Variants in DCDC2 observed in about 807,000 individuals in gnomAD.
The protein encoded by DCDC2 is doublecortin domain-containing protein 2.
DCDC2 carries 40 observed loss-of-function variants against 50.2 expected under a neutral mutation model. The ratio of observed to expected loss-of-function variants is 0.80; its 90% confidence interval spans 0.62 to 1.04. DCDC2 has a LOEUF of 1.04. Among genes scored for constraint, DCDC2 ranks in the 50% least tolerant of loss-of-function variants. DCDC2 has a pLI of 0.00. For synonymous variants in DCDC2, 234 were observed against 210.6 expected (o/e 1.11, Z -0.96); for missense variants, 570 against 581.9 (o/e 0.98, Z 0.21).
intron 7 of DCDC2, among the ~76,000 whole-genome samples, chr6:24,259,579 A>AGAGT (rs1356974459): frequency 2.6e-5 from 4 of 152,228 alleles, no homozygotes; most frequent in African/African-American, 9.6e-5. Context: ...TTCCCTGTTC[A>AGAGT]TATTAAATTA....
chr6:24,184,292 G>T (rs1245562615), intron 8 of DCDC2, among the ~76,000 whole-genome samples: 1 of 152,130 alleles, frequency 6.6e-6, no homozygotes, highest in Admixed American at 6.5e-5. Context: ...CTGACCTGAG[G>T]CTGGGCATGG....
the DCDC2 span, among the ~76,000 whole-genome samples, chr6:24,383,187 G>A: frequency 1.3e-5 from 2 of 151,962 alleles, no homozygotes; most frequent in South Asian, 2.1e-4. Flanking sequence ...TTACCTGGGC[G>A]TGGTGGCGCA....
At chr6:24,268,028 G>A (rs1467072207) in intron 7 of DCDC2, among the ~76,000 whole-genome samples, 1 of 152,168 alleles carries the variant, frequency 6.6e-6, no homozygotes, top group Non-Finnish European at 1.5e-5. Context: ...CCCACCAGAT[G>A]CTCCTCAGTA....
intron 7 of DCDC2, among the ~76,000 whole-genome samples, chr6:24,206,429 T>C (rs1489848970): frequency 6.6e-6 from 1 of 152,146 alleles, no homozygotes; most frequent in Non-Finnish European, 1.5e-5. Flanking sequence ...AAAATAGGTA[T>C]GTTTGACATT....
intron 7 of DCDC2, among the ~76,000 whole-genome samples, chr6:24,239,387 G>C (rs553462136): frequency 6.6e-6 from 1 of 152,300 alleles, no homozygotes; most frequent in Admixed American, 6.5e-5. Context: ...GGACCACCTA[G>C]ATCAGAGCCT....
intron 2 of DCDC2, among the ~76,000 whole-genome samples, chr6:24,322,680 G>A (rs939629229): frequency 1.3e-5 from 2 of 152,064 alleles, no homozygotes; most frequent in African/African-American, 4.8e-5. Flanking sequence ...TTGATCCCAG[G>A]TCTTTGGACA....
intron 7 of DCDC2, among the ~76,000 whole-genome samples, chr6:24,271,584 C>T (rs1763240525): frequency 6.6e-6 from 1 of 152,170 alleles, no homozygotes; most frequent in African/African-American, 2.4e-5. Context: ...GGATCCCTGA[C>T]CTGGAGGCTC....
chr6:24,363,810 C>T, the DCDC2 span, among the ~76,000 whole-genome samples: 2 of 152,156 alleles, frequency 1.3e-5, no homozygotes, highest in Non-Finnish European at 2.9e-5. Context: ...GTTTGCTTCC[C>T]TATTATCCAT....
intron 2 of DCDC2, among the ~76,000 whole-genome samples, chr6:24,307,303 T>C (rs1438342261): frequency 6.6e-6 from 1 of 152,138 alleles, no homozygotes; most frequent in African/African-American, 2.4e-5. Context: ...TATCACAAAA[T>C]TGTAATGACC....
chr6:24,292,696 T>C (rs1225927645), intron 4 of DCDC2, among the ~76,000 whole-genome samples: 1 of 152,224 alleles, frequency 6.6e-6, no homozygotes, highest in Non-Finnish European at 1.5e-5. Flanking sequence ...AGTAAGACGC[T>C]ATCTCAAAAA....
At chr6:24,278,428 A>T (rs1763406898) in intron 6 of DCDC2, among the ~76,000 whole-genome samples, 2 of 152,162 alleles carry the variant, frequency 1.3e-5, no homozygotes, top group Non-Finnish European at 1.5e-5. Flanking sequence ...AATAGCTAAC[A>T]ATCATTGGGT....
At chr6:24,196,161 AC>A (rs1454640545) in intron 8 of DCDC2, among the ~76,000 whole-genome samples, 2 of 152,054 alleles carry the variant, frequency 1.3e-5, no homozygotes, top group African/African-American at 4.8e-5. Flanking sequence ...CAAGTAGTAT[AC>A]CATGACTATA....
chr6:24,268,523 C>T (rs1477866450), intron 7 of DCDC2, among the ~76,000 whole-genome samples: 3 of 152,126 alleles, frequency 2.0e-5, no homozygotes, highest in Non-Finnish European at 4.4e-5. Flanking sequence ...GTGCGTGAAA[C>T]TACTGCTCAA....
Position 24,290,918 on chromosome 6 carries a change from G to C in DCDC2, c.704+14C>G. The C allele has an allele frequency of 1.2e-6, 2 of 1,608,466 alleles. No individual in the cohort carries two copies. Among genetic ancestry groups the C allele is most frequent in the South Asian group, 2.2e-5 (2 of 90,036 alleles). ...GTAACTAAAGCATGAGGAGTGGTAAGGAGTAAGACTTACCCAAAAGGCCTT... is the reference window on the plus strand; with the variant it reads ...GTAACTAAAGCATGAGGAGTGGTAACGAGTAAGACTTACCCAAAAGGCCTT... On this transcript the variant is annotated intron_variant, in intron 5 of 9. Coordinates refer to ENST00000378454, the MANE Select transcript of DCDC2 (RefSeq NM_016356.5).
At chr6:24,313,849 G>A (rs761553189) in intron 2 of DCDC2, among the ~76,000 whole-genome samples, 5 of 152,308 alleles carry the variant, frequency 3.3e-5, no homozygotes, top group Non-Finnish European at 7.3e-5. Context: ...GATCTCTTCA[G>A]AGGATTCAGC....
intron 8 of DCDC2, among the ~76,000 whole-genome samples, chr6:24,194,007 AT>A (rs1439227040): frequency 6.6e-6 from 1 of 152,134 alleles, no homozygotes; most frequent in Non-Finnish European, 1.5e-5. Flanking sequence ...TTTAATTAAA[AT>A]CATTTTTAAA....
At chr6:24,303,827 CATA>C (rs1407547502) in intron 2 of DCDC2, among the ~76,000 whole-genome samples, 2 of 152,180 alleles carry the variant, frequency 1.3e-5, no homozygotes, top group Non-Finnish European at 2.9e-5. Flanking sequence ...TAAAATCACA[CATA>C]ATAAGTGGTA....
chr6:24,373,721 T>C, the DCDC2 span, among the ~76,000 whole-genome samples: 1 of 152,318 alleles, frequency 6.6e-6, no homozygotes, highest in South Asian at 2.1e-4. Flanking sequence ...TGGTACGTCT[T>C]TGTATTATTG....
intron 8 of DCDC2, among the ~76,000 whole-genome samples, chr6:24,191,633 G>T (rs1305648822): frequency 6.6e-6 from 1 of 152,134 alleles, no homozygotes; most frequent in Non-Finnish European, 1.5e-5. Flanking sequence ...TCTGCCCACA[G>T]GCTACCATCC....
Sources: allele counts gnomAD v4.1 joint callset (sites outside exome capture counted in the v4.1 genomes callset), GRCh38; gene constraint gnomAD v4.1.1; transcripts MANE v1.5; gene names NCBI Gene and HGNC (gene_info 2026-07-23, HGNC 2026-07-21).